Variants in MBD4 observed in about 807,000 individuals in gnomAD.
MBD4 encodes methyl-CpG-binding domain protein 4.
MBD4 carries 53 observed loss-of-function variants against 60.2 expected under a neutral mutation model. The observed-to-expected ratio is 0.88, with a 90% CI of 0.71 to 1.11. MBD4 has a LOEUF of 1.11. Among genes scored for constraint, MBD4 ranks in the 50% least tolerant of loss-of-function variants. MBD4 has a pLI of 0.00. For synonymous variants in MBD4, 231 were observed against 229.8 expected, an observed-to-expected ratio of 1.01 and a Z score of -0.05; for missense variants, 619 against 674.0, an observed-to-expected ratio of 0.92 and a Z score of 0.90.
chr3:129,433,486 TAGCTTTTAAATGATCAG>T (rs1246423967), intron 5 of MBD4: 10 of 603,048 alleles, frequency 1.7e-5, no homozygotes, highest in Non-Finnish European at 2.6e-5. Context: ...CTTGCATGAT[TAGCTTTTAAATGATCAG>T]ATCAGCAGAT....
intron 1 of MBD4, 54 bp from the exon 2 acceptor site, chr3:129,438,004 C>A (rs1458353754): frequency 1.9e-6 from 2 of 1,061,104 alleles, no homozygotes; most frequent in East Asian, 4.7e-5. Flanking sequence ...CTTCCACTGC[C>A]TACTCAGTTT....
At chr3:129,431,608 G>A (rs1403221156) in intron 7 of MBD4, 30 bp from the exon 8 acceptor site, 9 of 1,469,844 alleles carry the variant, frequency 6.1e-6, no homozygotes, top group Middle Eastern at 2.0e-4. Context: ...CAGAGGCAGA[G>A]ACCTTAATGT....
chr3:129,434,449 G>A (rs1210727770), intron 3 of MBD4, among the ~76,000 whole-genome samples: 2 of 152,124 alleles, frequency 1.3e-5, no homozygotes, highest in East Asian at 3.8e-4. Context: ...ACCACTCTGT[G>A]ACACTAGTTC....
chr3:129,431,557 A>C lies in MBD4; in HGVS notation c.1669T>G (p.Leu557Val). The C allele has an allele frequency of 6.2e-7, 1 of 1,612,922 alleles. No homozygotes were observed. Among genetic ancestry groups the C allele is most frequent in the Non-Finnish European group, 8.5e-7 (1 of 1,179,722 alleles). The stretch of plus-strand genomic sequence containing the variant: ...CAAAGCCAGTCATGATATTTATTTA[A>C]TTTGTGGTCTTCAGGGTGCACCTGG... ...WKQVHPEDHKLNKYHDWLWEN... is the reference protein window; with the variant it reads ...WKQVHPEDHKVNKYHDWLWEN... The change falls in exon 8 of 8, where the codon TTA (leucine) becomes GTA (valine). Residue 557 changes from leucine (L) to valine (V), a missense_variant. By Grantham distance (32) the Leu-to-Val change is conservative (BLOSUM62 1). Coordinates refer to ENST00000429544, the MANE Select transcript of MBD4 (RefSeq NM_001276270.2).
intron 7 of MBD4, 33 bp from the exon 8 acceptor site, chr3:129,431,611 C>A: frequency 7.0e-7 from 1 of 1,422,408 alleles, no homozygotes; most frequent in Non-Finnish European, 9.9e-7. Context: ...AGGCAGAGAC[C>A]TTAATGTAAC....
chr3:129,437,630 T>C (rs1265326592), intron 2 of MBD4, 90 bp downstream of exon 2: 1 of 912,912 alleles, frequency 1.1e-6, no homozygotes, highest in East Asian at 2.4e-5. Flanking sequence ...ATGGTAAAAA[T>C]ATAAAGAAGC....
At position 129,436,892 on chromosome 3, in the gene MBD4, CT is replaced by C; in HGVS notation, c.751del (p.Arg251GlyfsTer52). 2 of 1,614,096 alleles carry C rather than the reference CT, an allele frequency of 1.2e-6. No individual in the cohort carries two copies. Among genetic ancestry groups the C allele is most frequent in the Non-Finnish European group, 8.5e-7 (1 of 1,180,002 alleles). Reference protein sequence around the residue: ...IPIKKTKKGCRKSCSGFVQSD... With the variant: ...IPIKKTKKGCXKSCSGFVQSD... ...TTGAACAAAACCTGAACAGCTCTTCCTACATCCTTTTTTAGTTTTCTTAATT... is the reference window on the plus strand; with the variant it reads ...TTGAACAAAACCTGAACAGCTCTTCCACATCCTTTTTTAGTTTTCTTAATT... On this transcript the variant is annotated frameshift_variant, in exon 3 of 8. Transcript: ENST00000429544. LOFTEE classifies it high-confidence loss of function.
At position 129,433,021 on chromosome 3, in the gene MBD4, A is replaced by G. The variant is rs1381885819; in HGVS notation, c.1543+77T>C. The G allele has an allele frequency of 1.9e-6, 3 of 1,563,624 alleles. No homozygotes were observed. The African/African-American group carries it at 4.1e-5, about 21-fold the overall frequency. ...ACCTCCATTAATATAGTATCTGAGA[A>G]CATTAAAGTTTAAGGTGTGGCTCTC... On this transcript the variant is annotated intron_variant, in intron 6 of 7. Coordinates refer to ENST00000429544, the MANE Select transcript of MBD4 (RefSeq NM_001276270.2).
chr3:129,432,971 A>G, intron 6 of MBD4, 127 bp downstream of exon 6: 1 of 1,251,840 alleles, frequency 8.0e-7, no homozygotes, highest in Middle Eastern at 2.0e-4. Flanking sequence ...ACTTTTTTAA[A>G]TGCCTTGGGT....
chr3:129,431,208 T>C lies in MBD4; in HGVS notation c.*293A>G, dbSNP rs2072337398. ...CTGATAGAAATTTGCTTTGTATTAT[T>C]GATAGTTTAGAACTATTTTTCATCT... On this transcript the variant is annotated 3_prime_UTR_variant, in exon 8 of 8. Transcript: ENST00000429544. The C allele has an allele frequency of 2.9e-6, 1 of 342,174 alleles. No homozygotes were observed. Among genetic ancestry groups the C allele is most frequent in the Non-Finnish European group, 5.4e-6 (1 of 183,558 alleles). The allele number at this position is 342,174 out of a possible 1,614,324, so 21.2% of individuals were successfully genotyped here.
Position 129,436,979 on chromosome 3 carries a change from T to C in MBD4, c.665A>G (p.Asp222Gly), listed in dbSNP as rs780747376. The C allele has an allele frequency of 1.9e-6, 3 of 1,614,212 alleles. No homozygotes were observed. Among genetic ancestry groups the C allele is most frequent in the East Asian group, 4.5e-5 (2 of 44,886 alleles). The change falls in exon 3 of 8, where the codon GAT becomes GGT. Residue 222 changes from aspartate (D) to glycine (G), a missense_variant. Asp to Gly is a moderately conservative substitution (Grantham distance 94). Coordinates refer to ENST00000429544, the MANE Select transcript of MBD4 (RefSeq NM_001276270.2). Reference sequence around the variant, plus strand: ...CTTTCTAACCTTTCTGAAGTTAACATCATCAACACCCTCATCTTCTTTCAA... The same window carrying C: ...CTTTCTAACCTTTCTGAAGTTAACACCATCAACACCCTCATCTTCTTTCAA... ...LLLKEDEGVD[D>G]VNFRKVRKPK... is the part of the protein sequence containing the mutation.
At chr3:129,435,846 G>A (rs2072448681) in intron 3 of MBD4, among the ~76,000 whole-genome samples, 1 of 152,154 alleles carries the variant, frequency 6.6e-6, no homozygotes, top group African/African-American at 2.4e-5. Context: ...TCTGTATTAA[G>A]AGCATATTAC....
At position 129,434,120 on chromosome 3, in the gene MBD4, T is replaced by C; in HGVS notation, c.1200A>G (p.Arg400=). ...TTGTTTTCCTTCTTTCTATCTGTGT[T>C]CGTGGGATGGTATCTTCTGAAAAGG... ...RKDFTEDTIP[R]TQIERRKTSL... Residue 400 remains arginine (R), a synonymous_variant, in exon 4 of 8, where the codon CGA becomes CGG. Coordinates refer to ENST00000429544, the MANE Select transcript of MBD4 (RefSeq NM_001276270.2). 1 of 1,614,016 alleles carries C rather than the reference T, an allele frequency of 6.2e-7. No homozygotes were observed. The highest frequency in any genetic ancestry group is 8.5e-7 in the Non-Finnish European group (1 of 1,179,898).
chr3:129,431,376 A>G lies in MBD4; in HGVS notation c.*125T>C. ...ATTGGCACACACATTAAGAAAGCACACACACTAGGCTTCTAGTTGGGCTAA... is the reference window on the plus strand; with the variant it reads ...ATTGGCACACACATTAAGAAAGCACGCACACTAGGCTTCTAGTTGGGCTAA... On this transcript the variant is annotated 3_prime_UTR_variant, in exon 8 of 8. Coordinates refer to ENST00000429544, the MANE Select transcript of MBD4 (RefSeq NM_001276270.2). The G allele has an allele frequency of 5.2e-6, 4 of 762,890 alleles. No individual in the cohort carries two copies. Among genetic ancestry groups the G allele is most frequent in the Non-Finnish European group, 7.0e-6 (3 of 429,762 alleles). The allele number at this position is 762,890 out of a possible 1,614,324, so 47.3% of individuals were successfully genotyped here.
intron 5 of MBD4, 123 bp downstream of exon 5, chr3:129,433,727 G>C: frequency 8.9e-7 from 1 of 1,128,616 alleles, no homozygotes; most frequent in Non-Finnish European, 1.3e-6. Context: ...GTTTAAGGGT[G>C]AAGGGGGAAT....
intron 7 of MBD4, chr3:129,432,056 T>C: frequency 1.3e-6 from 1 of 795,880 alleles, no homozygotes; most frequent in Non-Finnish European, 1.7e-6. Context: ...ACCACCAGCA[T>C]GCCACAGGCT....
Position 129,436,655 on chromosome 3 carries a change from G to A in MBD4, c.989C>T (p.Ser330Phe). ...TGAACAAAATTTGTTTATGATGCCA[G>A]AAGTTTTTTGTTCAGAACAAAAATT... Reference protein sequence around the residue: ...GSNFCSEQKTSGIINKFCSAK... With the variant: ...GSNFCSEQKTFGIINKFCSAK... The change falls in exon 3 of 8, where the codon TCT (serine) becomes TTT (phenylalanine). Residue 330 changes from serine to phenylalanine, a missense_variant. Physicochemically the swap from Ser to Phe is radical, Grantham distance 155. Coordinates refer to ENST00000429544, the MANE Select transcript of MBD4 (RefSeq NM_001276270.2). 1 of 1,614,064 alleles carries A rather than the reference G, an allele frequency of 6.2e-7. No homozygotes were observed. The highest frequency in any genetic ancestry group is 8.5e-7 in the Non-Finnish European group (1 of 1,180,002).
chr3:129,432,732 C>A, intron 6 of MBD4, 126 bp from the exon 7 acceptor site: 1 of 893,722 alleles, frequency 1.1e-6, no homozygotes. Context: ...CCAGCAACCC[C>A]AGTTGTGATT....
Position 129,437,765 on chromosome 3 carries a change from C to G in MBD4, c.290G>C (p.Arg97Thr), listed in dbSNP as rs2072494408. ...PCGWERVVKQ[R>T]LFGKTAGRFD... The stretch of plus-strand genomic sequence containing the variant: ...TCTTCCTGCTGTCTTCCCAAATAAC[C>G]TTTGCTTCACAACTCTTTCCCATCC... The change falls in exon 2 of 8, where the codon AGG (arginine) becomes ACG (threonine). Residue 97 changes from arginine to threonine, a missense_variant. Transcript: ENST00000429544. The G allele has an allele frequency of 6.2e-7, 1 of 1,614,146 alleles. No homozygotes were observed. The highest frequency in any genetic ancestry group is 1.3e-5 in the African/African-American group (1 of 75,042).
Sources: allele counts gnomAD v4.1 joint callset (sites outside exome capture counted in the v4.1 genomes callset), GRCh38; gene constraint gnomAD v4.1.1; transcripts MANE v1.5; gene names NCBI Gene and HGNC (gene_info 2026-07-23, HGNC 2026-07-21).